MACF1: variants seen among roughly 807,000 people sequenced by gnomAD.
MACF1 encodes microtubule actin crosslinking factor 1.
MACF1 carries 193 observed loss-of-function variants against 854.8 expected under a neutral mutation model. The ratio of observed to expected loss-of-function variants is 0.23; its 90% confidence interval spans 0.20 to 0.25. MACF1 has a LOEUF of 0.25. MACF1 is among the 10% of genes least tolerant of loss of function. MACF1 has a pLI of 1.00. For missense variants in MACF1, 7,722 were observed against 8,929.1 expected (o/e 0.86, Z 5.45); for synonymous variants, 3,185 against 3,226.7 (o/e 0.99, Z 0.44).
chr1:39,131,794 A>T (rs972943879), intron 2 of MACF1, among the ~76,000 whole-genome samples: 6 of 152,178 alleles, frequency 3.9e-5, no homozygotes, highest in African/African-American at 1.4e-4. Context: ...CTAAGGATTT[A>T]AAATTTTTGT....
intron 2 of MACF1, among the ~76,000 whole-genome samples, chr1:39,175,211 T>G (rs1644007857): frequency 6.6e-6 from 1 of 152,178 alleles, no homozygotes; most frequent in Admixed American, 6.5e-5. Flanking sequence ...AAGTGAGGAT[T>G]CCAAATAATC....
chr1:39,236,577 C>A (rs1644861708), intron 2 of MACF1, among the ~76,000 whole-genome samples: 1 of 152,156 alleles, frequency 6.6e-6, no homozygotes, highest in Non-Finnish European at 1.5e-5. Context: ...TATATTATCA[C>A]TGGAGGGCAA....
intron 75 of MACF1, 35 bp from the exon 76 acceptor site, chr1:39,442,112 T>G (rs768800329): frequency 2.5e-6 from 4 of 1,591,550 alleles, no homozygotes; most frequent in Non-Finnish European, 3.4e-6. Flanking sequence ...TTTAAAGGCT[T>G]GATTTGATGT....
At chr1:39,468,928 G>T (rs1407699598) in intron 96 of MACF1, among the ~76,000 whole-genome samples, 196 bp downstream of exon 96, 1 of 152,192 alleles carries the variant, frequency 6.6e-6, no homozygotes, top group African/African-American at 2.4e-5. Flanking sequence ...AGAGGTTGAT[G>T]CTATTTGGGG....
At chr1:39,104,288 A>G (rs1642164323) in intron 2 of MACF1, among the ~76,000 whole-genome samples, 1 of 152,180 alleles carries the variant, frequency 6.6e-6, no homozygotes, top group Non-Finnish European at 1.5e-5. Context: ...CTCCATGAAT[A>G]TTGGGATTGA....
Position 39,333,204 on chromosome 1 carries a change from A to G in MACF1, c.6616A>G (p.Thr2206Ala). The change falls in exon 37 of 101, where the codon ACT becomes GCT. Residue 2206 changes from threonine to alanine, a missense_variant. Thr to Ala is a moderately conservative substitution (Grantham distance 58). Around this residue, in one of 15 missense-constraint regions of MACF1, gnomAD observed 1,531 missense variants for 1,601.6 expected, o/e 0.96. Coordinates refer to ENST00000564288, the MANE Select transcript of MACF1 (RefSeq NM_001394062.1). ...AAAGTTACAAGTTCAGGTAAAGAAA[A>G]CTCTAGGTATAAAGTTAGAACTAAA... ...SKKLQVQVKKTLGIKLELKSE... is the reference protein window; with the variant it reads ...SKKLQVQVKKALGIKLELKSE... 6.2e-7 allele frequency: 1 copy of G among 1,612,180 alleles called. No homozygotes were observed. The highest frequency in any genetic ancestry group is 8.5e-7 in the Non-Finnish European group (1 of 1,179,600).
chr1:39,389,004 A>G (rs1452581893), intron 58 of MACF1, among the ~76,000 whole-genome samples: 2 of 148,698 alleles, frequency 1.3e-5, no homozygotes, highest in Admixed American at 1.4e-4. Flanking sequence ...TCAGTCTCCC[A>G]AGGAGCTGGG....
At chr1:39,310,161 A>G in intron 24 of MACF1, 84 bp from the exon 25 acceptor site, 2 of 1,078,452 alleles carry the variant, frequency 1.9e-6, no homozygotes, top group Non-Finnish European at 2.7e-6. Context: ...TGTTTTGTAT[A>G]TATGTTACTT....
At chr1:39,305,805 A>G (rs1042329881) in intron 23 of MACF1, among the ~76,000 whole-genome samples, 3 of 152,160 alleles carry the variant, frequency 2.0e-5, no homozygotes, top group Admixed American at 6.5e-5. Context: ...TTCTTGCCTC[A>G]GGGCCTTTGG....
At chr1:39,415,290 G>A (rs1643246535) in intron 58 of MACF1, among the ~76,000 whole-genome samples, 1 of 151,224 alleles carries the variant, frequency 6.6e-6, no homozygotes. Flanking sequence ...AGAAAATTGG[G>A]CTAAATGTCC....
chr1:39,111,024 C>A (rs1642388538), intron 2 of MACF1, among the ~76,000 whole-genome samples: 2 of 152,114 alleles, frequency 1.3e-5, no homozygotes, highest in African/African-American at 4.8e-5. Context: ...GTAAGGTTGG[C>A]CCTTTCAGCT....
chr1:39,169,773 CTT>C lies in MACF1; in HGVS notation c.221-61393_221-61392del, dbSNP rs11335031. ...CTCCTTGCCCTTTCTTTCTTTCTTT[CTT>C]TTTTTTTTTTTTTTTGAGACTGGAG... On this transcript the variant is annotated intron_variant, in intron 2 of 93. Coordinates refer to the MACF1 transcript ENST00000361689. Among the ~76,000 whole-genome samples, 411 of 97,470 alleles carry C rather than the reference CTT, an allele frequency of 4.2e-3. 4 individuals are homozygous for C. Among genetic ancestry groups the C allele is most frequent in the Non-Finnish European group, 5.5e-3 (276 of 50,382 alleles). The allele number at this position is 97,470 out of a possible 152,430, so 63.9% of individuals were successfully genotyped here.
At chr1:39,465,187 T>C in intron 95 of MACF1, 75 bp downstream of exon 95, 2 of 1,437,444 alleles carry the variant, frequency 1.4e-6, no homozygotes, top group Non-Finnish European at 2.0e-6. Context: ...TTCTTCGCTA[T>C]GGGGAGAGGA....
chr1:39,346,503 G>T (rs984818621), intron 40 of MACF1, among the ~76,000 whole-genome samples: 4 of 151,624 alleles, frequency 2.6e-5, no homozygotes, highest in African/African-American at 9.7e-5. Context: ...AGTTTGGAGA[G>T]ACTGAAAGTG....
Position 39,353,186 on chromosome 1 carries a change from G to A in MACF1, c.11379G>A (p.Val3793=). The change falls in exon 44 of 101, where the codon GTG becomes GTA. Residue 3793 remains valine (V), a synonymous_variant. Coordinates refer to ENST00000564288, the MANE Select transcript of MACF1 (RefSeq NM_001394062.1). ...ALDTTDGYMG[V]NQAPEKLDKQ... The stretch of plus-strand genomic sequence containing the variant: ...ACACCACTGATGGTTACATGGGGGT[G>A]AATCAAGCCCCAGAGAAACTGGACA... 6.2e-7 allele frequency: 1 copy of A among 1,610,906 alleles called. No individual in the cohort carries two copies. Among genetic ancestry groups the A allele is most frequent in the Non-Finnish European group, 8.5e-7 (1 of 1,177,252 alleles).
At chr1:39,412,814 C>A (rs748694710) in intron 58 of MACF1, 2 of 1,612,648 alleles carry the variant, frequency 1.2e-6, no homozygotes, top group Admixed American at 3.3e-5. Context: ...CTAGATGCTG[C>A]ACTGCCCAGC....
chr1:39,143,884 C>T (rs961148348), intron 2 of MACF1, among the ~76,000 whole-genome samples: 2 of 151,536 alleles, frequency 1.3e-5, no homozygotes, highest in East Asian at 1.9e-4. Context: ...ACACCATTCT[C>T]CTGCCTCAGC....
At chr1:39,190,405 T>TTTTG (rs1644239870) in intron 2 of MACF1, among the ~76,000 whole-genome samples, 1 of 123,680 alleles carries the variant, frequency 8.1e-6, no homozygotes, top group Non-Finnish European at 1.9e-5. Flanking sequence ...GTTTTTGTTT[T>TTTTG]TTTTTTTTTT....
intron 6 of MACF1, among the ~76,000 whole-genome samples, chr1:39,263,910 G>T (rs376183997): frequency 6.6e-6 from 1 of 151,144 alleles, no homozygotes; most frequent in Admixed American, 6.6e-5. Flanking sequence ...AGTAGCTGGG[G>T]CTACAGGCGC....
Sources: allele counts gnomAD v4.1 joint callset (sites outside exome capture counted in the v4.1 genomes callset), GRCh38; gene constraint gnomAD v4.1.1; regional missense constraint gnomAD v4.1.1; transcripts MANE v1.5; gene names NCBI Gene and HGNC (gene_info 2026-07-23, HGNC 2026-07-21).